The following CFAP47 variants were observed in gnomAD, a reference collection of about 807,000 sequenced individuals.
CFAP47 encodes the protein cilia- and flagella-associated protein 47.
In CFAP47, 29 loss-of-function variants were observed where a neutral mutation model predicts 148.1. The ratio of observed to expected loss-of-function variants is 0.20; its 90% CI spans 0.15 to 0.27. CFAP47 has a LOEUF of 0.27. CFAP47 is among the 10% of genes least tolerant of loss of function. The probability of loss-of-function intolerance (pLI) is 1.00; values close to 1 mark genes in which losing one functional copy is unlikely to be tolerated. For synonymous variants in CFAP47, 664 were observed against 577.3 expected (o/e 1.15, Z -2.15); for missense variants, 1,872 against 1,697.5 (o/e 1.10, Z -1.81).
Position 36,112,019 on chromosome X carries a change from G to C in CFAP47, c.5320+7328G>C, listed in dbSNP as rs143276285. Among the ~76,000 whole-genome samples, 916 of 111,060 alleles carry C rather than the reference G, an allele frequency of 8.2e-3. 10 individuals carry two copies. The highest frequency in any genetic ancestry group is 0.029 in the African/African-American group (872 of 30,576). On this transcript the variant is annotated intron_variant, in intron 33 of 63. Transcript: ENST00000378653. ...TGTCTTCTTTATTATTCTAGCTAATGGTCTATTTCATTGTTTTTTCACAAA... is the reference window on the plus strand; with the variant it reads ...TGTCTTCTTTATTATTCTAGCTAATCGTCTATTTCATTGTTTTTTCACAAA...
rs372678439 is a variant in CFAP47, at chrX:36,099,764, C to T, written c.5012C>T (p.Thr1671Met). The T allele has an allele frequency of 3.5e-5, 30 of 850,838 alleles. No individual in the cohort carries two copies. The highest frequency in any genetic ancestry group is 2.0e-4 in the African/African-American group (10 of 49,243). 70.1% of individuals were successfully genotyped at this position (850,838 alleles called of 1,213,427 possible). ...RWIEIMSSTN[T>M]MPVSSCTPKK... ...TATTTCTTAAAGTCTTCCACTAATACGATGCCTGTGAGTTCCTGTACACCT... is the reference window on the plus strand; with the variant it reads ...TATTTCTTAAAGTCTTCCACTAATATGATGCCTGTGAGTTCCTGTACACCT... The change falls in exon 32 of 64, where the codon ACG (threonine) becomes ATG (methionine). Residue 1671 changes from threonine (T) to methionine (M), a missense_variant. Coordinates refer to ENST00000378653, the MANE Select transcript of CFAP47 (RefSeq NM_001304548.2).
At chrX:36,050,030 C>CT (rs1937512027) in intron 26 of CFAP47, among the ~76,000 whole-genome samples, 1 of 112,045 alleles carries the variant, frequency 8.9e-6, no homozygotes, top group Admixed American at 9.5e-5. Flanking sequence ...TTCTCCTTCA[C>CT]TTTCTGCCAT....
intron 61 of CFAP47, 120 bp from the exon 62 acceptor site, chrX:36,366,846 C>G: frequency 2.8e-6 from 1 of 353,081 alleles, no homozygotes; most frequent in South Asian, 1.1e-4. Context: ...ATTAAATGTC[C>G]TAGTGTTTTC....
chrX:36,111,805 A>G (rs1938559483), intron 33 of CFAP47, among the ~76,000 whole-genome samples: 1 of 111,790 alleles, frequency 8.9e-6, no homozygotes, highest in Admixed American at 9.5e-5. Flanking sequence ...CGGTTTGCTC[A>G]GGGATTCAAT....
intron 26 of CFAP47, among the ~76,000 whole-genome samples, 154 bp from the exon 27 acceptor site, chrX:36,065,489 A>G (rs1202438766): frequency 8.9e-6 from 1 of 112,170 alleles, no homozygotes; most frequent in African/African-American, 3.2e-5. Context: ...AAAATCATTA[A>G]CATTGAGTAG....
chrX:36,171,683 C>A (rs1253318089), intron 39 of CFAP47, among the ~76,000 whole-genome samples: 3 of 111,790 alleles, frequency 2.7e-5, no homozygotes, highest in Non-Finnish European at 5.6e-5. Flanking sequence ...CAGTACCATA[C>A]TGTTTTGGTT....
chrX:36,074,404 G>T (rs1937810054), intron 29 of CFAP47, among the ~76,000 whole-genome samples: 1 of 111,574 alleles, frequency 9.0e-6, no homozygotes. Context: ...TTTGTTGATT[G>T]CTGAGATATA....
chrX:35,937,823 C>T lies in CFAP47; in HGVS notation c.402-3460C>T, dbSNP rs754189898. Among the ~76,000 whole-genome samples, 65 of 111,031 alleles carry T rather than the reference C, an allele frequency of 5.9e-4. 1 individual carries two copies. The highest frequency in any genetic ancestry group is 2.0e-3 in the African/African-American group (62 of 30,534). ...TCAGAGTTTCTGTATATGGATCAGACATGTAATGAACCTTCTATTTGTTAT... is the reference window on the plus strand; with the variant it reads ...TCAGAGTTTCTGTATATGGATCAGATATGTAATGAACCTTCTATTTGTTAT... On this transcript the variant is annotated intron_variant, in intron 2 of 63. Transcript: ENST00000378653.
chrX:36,146,850 G>A (rs1243465335), intron 36 of CFAP47, among the ~76,000 whole-genome samples: 2 of 103,413 alleles, frequency 1.9e-5, no homozygotes, highest in African/African-American at 3.6e-5. Context: ...GCACGATCTC[G>A]GCTCACTGCA....
intron 49 of CFAP47, among the ~76,000 whole-genome samples, chrX:36,261,209 GTAGAGGAATAGT>G (rs1940814598): frequency 9.8e-6 from 1 of 101,999 alleles, no homozygotes; most frequent in Admixed American, 1.1e-4. Context: ...TTTCACTGAT[GTAGAGGAATAGT>G]TAGTGCTTAT....
In CFAP47 at chrX:35,953,728, G is replaced by T. The variant is rs1041283578; in HGVS notation, c.1174+9G>T. The T allele has an allele frequency of 1.7e-6, 2 of 1,168,411 alleles. No individual in the cohort carries two copies. Among genetic ancestry groups the T allele is most frequent in the Non-Finnish European group, 2.3e-6 (2 of 867,948 alleles). On this transcript the variant is annotated intron_variant, in intron 7 of 63. Transcript: ENST00000378653. Reference sequence around the variant, plus strand: ...CTATAAAACCATCAAAAGTAAGTGTGAAATTAACAAAATTATCAAATCCGT... The same window carrying T: ...CTATAAAACCATCAAAAGTAAGTGTTAAATTAACAAAATTATCAAATCCGT...
rs189934877 is a variant in CFAP47, at chrX:36,091,592, A to G, written c.4916+6054A>G. ...AGAAGTAATGTGCATGAGGACAGGA[A>G]TTGTGTGAAAATCAAAAAGACAGTT... On this transcript the variant is annotated intron_variant, in intron 30 of 63. Coordinates refer to ENST00000378653, the MANE Select transcript of CFAP47 (RefSeq NM_001304548.2). Among the ~76,000 whole-genome samples, 297 of 111,402 alleles carry G rather than the reference A, an allele frequency of 2.7e-3. 3 individuals are homozygous for G. The highest frequency in any genetic ancestry group is 9.0e-3 in the African/African-American group (277 of 30,762).
At chrX:36,008,093 G>A (rs1305397114) in intron 21 of CFAP47, among the ~76,000 whole-genome samples, 2 of 111,055 alleles carry the variant, frequency 1.8e-5, no homozygotes, top group African/African-American at 3.3e-5. Context: ...CACTAGACTC[G>A]AAGACAGACA....
chrX:36,265,108 A>T (rs1414497270), intron 49 of CFAP47, among the ~76,000 whole-genome samples: 1 of 111,068 alleles, frequency 9.0e-6, no homozygotes. Context: ...TTCTCATTGT[A>T]GTCATTTTTC....
At chrX:36,227,739 G>A (rs782088398) in intron 45 of CFAP47, among the ~76,000 whole-genome samples, 19 of 112,037 alleles carry the variant, frequency 1.7e-4, no homozygotes, top group African/African-American at 3.2e-4. Context: ...AGAATTAGGC[G>A]TCAGATGTTT....
chrX:36,310,058 A>G (rs1035703342), intron 55 of CFAP47, among the ~76,000 whole-genome samples: 4 of 110,642 alleles, frequency 3.6e-5, no homozygotes, highest in Non-Finnish European at 7.6e-5. Context: ...GGAAACGTCT[A>G]TATAGTTTGA....
chrX:36,091,165 G>GA (rs1333696701), intron 30 of CFAP47, among the ~76,000 whole-genome samples: 1 of 110,829 alleles, frequency 9.0e-6, no homozygotes, highest in Non-Finnish European at 1.9e-5. Context: ...CCTTTAAAAT[G>GA]AAAAAAATGC....
chrX:36,136,120 A>G (rs1008464735), intron 33 of CFAP47, among the ~76,000 whole-genome samples: 1 of 110,834 alleles, frequency 9.0e-6, no homozygotes, highest in Non-Finnish European at 1.9e-5. Flanking sequence ...CTGTTAACAA[A>G]ATAAGGTGGG....
chrX:36,218,679 A>G (rs1316791930), intron 45 of CFAP47, among the ~76,000 whole-genome samples: 2 of 112,020 alleles, frequency 1.8e-5, no homozygotes, highest in Non-Finnish European at 3.8e-5. Context: ...CAGGAGAACA[A>G]TCTCAGGAGG....
Sources: allele counts gnomAD v4.1 joint callset (sites outside exome capture counted in the v4.1 genomes callset), GRCh38; gene constraint gnomAD v4.1.1; transcripts MANE v1.5; gene names NCBI Gene and HGNC (gene_info 2026-07-23, HGNC 2026-07-21).